ACSS3: variants seen among roughly 807,000 people sequenced by gnomAD.
ACSS3 encodes acyl-CoA synthetase short-chain family member 3, mitochondrial.
Under a neutral mutation model 84.2 loss-of-function variants are expected in ACSS3, and 64 were observed. The ratio of observed to expected loss-of-function variants is 0.76; its 90% CI spans 0.62 to 0.94. The LOEUF (loss-of-function observed/expected upper bound fraction) is 0.94, where lower values mean the gene tolerates loss of function less well. Ranked by LOEUF, ACSS3 falls within the 40% of genes least tolerant of loss-of-function variation. The pLI is 0.00. For missense variants in ACSS3, 815 were observed against 867.6 expected (o/e 0.94, Z 0.76); for synonymous variants, 317 against 310.1 (o/e 1.02, Z -0.23).
chr12:81,169,459 A>G (rs1157018731), intron 7 of ACSS3, among the ~76,000 whole-genome samples: 1 of 152,140 alleles, frequency 6.6e-6, no homozygotes, highest in African/African-American at 2.4e-5. Flanking sequence ...ATTTTTGAAG[A>G]GATTGTACAC....
At chr12:81,136,947 G>T (rs542434999) in intron 3 of ACSS3, among the ~76,000 whole-genome samples, 2 of 152,162 alleles carry the variant, frequency 1.3e-5, no homozygotes, top group East Asian at 3.9e-4. Context: ...AGCAAGAGAT[G>T]GTTGACCTTT....
At chr12:81,172,655 CA>C (rs558693687) in intron 7 of ACSS3, among the ~76,000 whole-genome samples, 2 of 151,564 alleles carry the variant, frequency 1.3e-5, no homozygotes, top group East Asian at 1.9e-4. Context: ...CAAAACAAAG[CA>C]AAAAAATATG....
chr12:81,158,196 A>G (rs1273717253), intron 7 of ACSS3, among the ~76,000 whole-genome samples: 1 of 152,106 alleles, frequency 6.6e-6, no homozygotes, highest in South Asian at 2.1e-4. Context: ...AACTGGTTAA[A>G]GGGTATATCT....
At chr12:81,215,149 CCCTTG>C (rs1318341706) in intron 9 of ACSS3, among the ~76,000 whole-genome samples, 1 of 152,152 alleles carries the variant, frequency 6.6e-6, no homozygotes, top group African/African-American at 2.4e-5. Context: ...CAGATGTCCT[CCCTTG>C]CTTTGATTAT....
intron 8 of ACSS3, among the ~76,000 whole-genome samples, chr12:81,177,733 T>A (rs1305984980): frequency 6.6e-6 from 1 of 152,108 alleles, no homozygotes; most frequent in Non-Finnish European, 1.5e-5. Flanking sequence ...TCACTGGCCA[T>A]CAGAGAAATG....
intron 2 of ACSS3, among the ~76,000 whole-genome samples, chr12:81,130,897 T>C (rs1428368369): frequency 6.6e-6 from 1 of 152,196 alleles, no homozygotes; most frequent in African/African-American, 2.4e-5. Flanking sequence ...CCTTTCCCCA[T>C]TTCTTGTTTT....
At chr12:81,117,684 G>C (rs1884164627) in intron 2 of ACSS3, among the ~76,000 whole-genome samples, 1 of 152,108 alleles carries the variant, frequency 6.6e-6, no homozygotes, top group South Asian at 2.1e-4. Context: ...ATGATGGGAA[G>C]CTCCATATTG....
At chr12:81,244,159 G>T (rs1040176532) in intron 13 of ACSS3, among the ~76,000 whole-genome samples, 5 of 151,802 alleles carry the variant, frequency 3.3e-5, no homozygotes, top group Admixed American at 2.6e-4. Flanking sequence ...TTTCCCTCTT[G>T]ACACTTTAAA....
At chr12:81,153,475 GATATT>G (rs1886716735) in intron 7 of ACSS3, among the ~76,000 whole-genome samples, 1 of 151,604 alleles carries the variant, frequency 6.6e-6, no homozygotes, top group Admixed American at 6.6e-5. Context: ...TTAAAGTGCA[GATATT>G]ATAAGTATAT....
chr12:81,130,989 C>G (rs1885459888), intron 2 of ACSS3, among the ~76,000 whole-genome samples: 1 of 152,074 alleles, frequency 6.6e-6, no homozygotes, highest in Admixed American at 6.5e-5. Flanking sequence ...TGGTCTATAT[C>G]TCTGTTTTGG....
rs1883166167 is a variant in ACSS3 at position 81,107,552 on chromosome 12, A to ATATG, written c.312-2005_312-2004insGTAT. Among the ~76,000 whole-genome samples the ATATG allele has an allele frequency of 5.8e-5, 6 of 103,374 alleles. No individual in the cohort carries two copies. The East Asian group carries it at 1.4e-3, about 23-fold the overall frequency. 67.8% of individuals were successfully genotyped at this position (103,374 alleles called of 152,430 possible). Reference sequence around the variant, plus strand: ...TATATATATATATATATATATATATATATATATAAATGTTTTTGTGGGAAA... The same window carrying ATATG: ...TATATATATATATATATATATATATATATGTATATATAAATGTTTTTGTGGGAAA... On this transcript the variant is annotated intron_variant, in intron 1 of 15. Coordinates refer to ENST00000548058, the MANE Select transcript of ACSS3 (RefSeq NM_024560.4).
chr12:81,246,635 A>G (rs1297156536), intron 13 of ACSS3, among the ~76,000 whole-genome samples: 1 of 152,242 alleles, frequency 6.6e-6, no homozygotes, highest in East Asian at 1.9e-4. Context: ...TGTGGAAGAT[A>G]TAAGTTACTT....
intron 13 of ACSS3, among the ~76,000 whole-genome samples, chr12:81,243,930 G>A (rs117506648): frequency 0.011 from 1,729 of 152,084 alleles, 11 homozygotes; most frequent in Non-Finnish European, 0.018. Flanking sequence ...CATTTCTGAT[G>A]CTCTTCCTTT....
At chr12:81,188,705 A>G (rs1265335843) in intron 8 of ACSS3, among the ~76,000 whole-genome samples, 1 of 152,048 alleles carries the variant, frequency 6.6e-6, no homozygotes, top group African/African-American at 2.4e-5. Context: ...TGGTTCTTGC[A>G]TTTTGATTGC....
intron 2 of ACSS3, among the ~76,000 whole-genome samples, chr12:81,110,386 G>A (rs1227294284): frequency 6.6e-6 from 1 of 152,044 alleles, no homozygotes; most frequent in Non-Finnish European, 1.5e-5. Context: ...TTTCCCATCT[G>A]TGCAGTTCTT....
chr12:81,182,687 A>T (rs1433000522), intron 8 of ACSS3, among the ~76,000 whole-genome samples: 1 of 152,192 alleles, frequency 6.6e-6, no homozygotes, highest in Non-Finnish European at 1.5e-5. Context: ...GTATATCTGT[A>T]AGATTGTAAC....
chr12:81,192,086 A>G (rs1185885320), intron 8 of ACSS3, among the ~76,000 whole-genome samples: 1 of 152,194 alleles, frequency 6.6e-6, no homozygotes, highest in East Asian at 1.9e-4. Flanking sequence ...CTGTTATAAG[A>G]AAATAGCTAT....
chr12:81,165,083 A>G (rs1887336141), intron 7 of ACSS3, among the ~76,000 whole-genome samples: 1 of 152,248 alleles, frequency 6.6e-6, no homozygotes, highest in African/African-American at 2.4e-5. Context: ...GGAAAAGATT[A>G]TAAAGCTGAT....
At chr12:81,129,354 G>A (rs1426023996) in intron 2 of ACSS3, among the ~76,000 whole-genome samples, 1 of 152,072 alleles carries the variant, frequency 6.6e-6, no homozygotes, top group Admixed American at 6.6e-5. Context: ...CAAGCTGTAT[G>A]ATAAATGCCC....
Sources: gnomAD v4.1 joint callset for allele counts (sites outside exome capture counted in the v4.1 genomes callset) on GRCh38, gnomAD v4.1.1 for gene constraint, MANE v1.5 for transcripts, NCBI Gene and HGNC (gene_info 2026-07-23, HGNC 2026-07-21) for gene names.